The following PDE1C variants were observed in gnomAD, a reference collection of about 807,000 sequenced individuals.
PDE1C encodes the protein dual specificity calcium/calmodulin-dependent 3',5'-cyclic nucleotide phosphodiesterase 1C.
Under a neutral mutation model 93.1 loss-of-function variants are expected in PDE1C, and 62 were observed. The observed-to-expected ratio is 0.67, with a 90% CI of 0.54 to 0.82. The LOEUF is 0.82. PDE1C is among the 40% of genes least tolerant of loss of function. The pLI is 0.00. For synonymous variants in PDE1C, 325 were observed against 310.1 expected, an observed-to-expected ratio of 1.05 and a Z score of -0.50; for missense variants, 742 against 884.6, an observed-to-expected ratio of 0.84 and a Z score of 2.04.
At chr7:32,005,478 C>T (rs942031286) in intron 2 of PDE1C, among the ~76,000 whole-genome samples, 1 of 147,770 alleles carries the variant, frequency 6.8e-6, no homozygotes, top group Non-Finnish European at 1.5e-5. Flanking sequence ...ATGGTGTGAA[C>T]CCAGGAGGCG....
At chr7:32,070,453 GTCTCCTCGCCCAGCTC>G, upstream of PDE1C, 1 of 1,594,914 alleles carries the variant, frequency 6.3e-7, no homozygotes, top group Non-Finnish European at 8.5e-7. Context: ...TCCCCTCCCC[GTCTCCTCGCCCAGCTC>G]GCGATGCCCA....
chr7:31,738,803 G>A, the PDE1C span, among the ~76,000 whole-genome samples: 1 of 152,154 alleles, frequency 6.6e-6, no homozygotes, highest in East Asian at 1.9e-4. Flanking sequence ...CTGAAGCGGG[G>A]CACAGAGCAC....
chr7:32,293,277 C>A (rs905098585), intron 1 of PDE1C, among the ~76,000 whole-genome samples: 2 of 152,166 alleles, frequency 1.3e-5, no homozygotes, highest in East Asian at 3.9e-4. Flanking sequence ...CATGATAAAT[C>A]TGCGTGTGAC....
chr7:32,272,396 GA>G (rs1005650482), intron 1 of PDE1C, among the ~76,000 whole-genome samples: 5 of 152,062 alleles, frequency 3.3e-5, no homozygotes, highest in Non-Finnish European at 5.9e-5. Context: ...GGGAATTTCA[GA>G]AAAAAAGTGA....
At chr7:31,935,071 C>T (rs1411462151) in intron 2 of PDE1C, among the ~76,000 whole-genome samples, 3 of 152,018 alleles carry the variant, frequency 2.0e-5, no homozygotes, top group Non-Finnish European at 4.4e-5. Flanking sequence ...TTATAACCTT[C>T]CATTATGACA....
chr7:32,250,833 C>T (rs1488334549), intron 1 of PDE1C, among the ~76,000 whole-genome samples: 5 of 152,194 alleles, frequency 3.3e-5, no homozygotes, highest in Admixed American at 2.6e-4. Flanking sequence ...AAGGAAATAC[C>T]TCAAAGCCTG....
intron 2 of PDE1C, among the ~76,000 whole-genome samples, chr7:32,047,140 G>A (rs1792714624): frequency 6.6e-6 from 1 of 151,352 alleles, no homozygotes; most frequent in Non-Finnish European, 1.5e-5. Context: ...AGCTCTGATA[G>A]CAATTCCTTT....
the PDE1C span, among the ~76,000 whole-genome samples, chr7:31,634,650 T>C: frequency 6.6e-6 from 1 of 152,060 alleles, no homozygotes; most frequent in African/African-American, 2.4e-5. Flanking sequence ...CCTTAAGCTA[T>C]GGGATAGGCA....
intron 2 of PDE1C, among the ~76,000 whole-genome samples, chr7:31,960,409 C>T (rs190958078): frequency 1.1e-4 from 17 of 152,086 alleles, no homozygotes; most frequent in African/African-American, 4.1e-4. Flanking sequence ...GGATATTCTA[C>T]AAAATAACTA....
At chr7:32,065,324 T>C (rs1795271810) in intron 1 of PDE1C, among the ~76,000 whole-genome samples, 1 of 152,214 alleles carries the variant, frequency 6.6e-6, no homozygotes, top group Non-Finnish European at 1.5e-5. Context: ...CTCTCATCTT[T>C]GTAAAAGGTT....
chr7:31,871,066 T>A (rs1795889310), intron 6 of PDE1C, among the ~76,000 whole-genome samples: 1 of 151,710 alleles, frequency 6.6e-6, no homozygotes, highest in Admixed American at 6.6e-5. Flanking sequence ...AAGAAACCCA[T>A]AAATAAATCC....
intron 1 of PDE1C, among the ~76,000 whole-genome samples, chr7:32,212,598 C>T (rs935479357): frequency 4.6e-5 from 7 of 152,274 alleles, no homozygotes; most frequent in South Asian, 2.1e-4. Context: ...CGGTCACATG[C>T]GCTAGATGGA....
chr7:31,690,007 A>C, the PDE1C span, among the ~76,000 whole-genome samples: 3 of 152,166 alleles, frequency 2.0e-5, no homozygotes, highest in Non-Finnish European at 4.4e-5. Context: ...AGCATGTGTC[A>C]GTTTTGTGAC....
chr7:32,382,979 A>C (rs1784561408), intron 1 of PDE1C, among the ~76,000 whole-genome samples: 2 of 152,210 alleles, frequency 1.3e-5, no homozygotes, highest in African/African-American at 4.8e-5. Context: ...TGAGCGTTAC[A>C]TTCAAATACA....
intron 6 of PDE1C, 90 bp downstream of exon 6, chr7:31,873,202 G>A (rs527386026): frequency 9.1e-5 from 69 of 756,552 alleles, no homozygotes; most frequent in African/African-American, 7.4e-4. Flanking sequence ...TTTTCATTCC[G>A]CATATTAAAA....
At chr7:31,652,956 A>G in the PDE1C span, 26 of 1,472,640 alleles carry the variant, frequency 1.8e-5, no homozygotes, top group African/African-American at 3.2e-4. Context: ...CTCATATTCT[A>G]CCCTTTGGTT....
the PDE1C span, among the ~76,000 whole-genome samples, chr7:31,728,202 G>A: frequency 7.9e-5 from 12 of 152,282 alleles, no homozygotes; most frequent in Admixed American, 2.0e-4. Context: ...AGGCCACTGC[G>A]GACAAGGATC....
chr7:32,414,415 C>G (rs184970654), intron 1 of PDE1C, among the ~76,000 whole-genome samples: 26 of 152,100 alleles, frequency 1.7e-4, no homozygotes, highest in Admixed American at 4.6e-4. Context: ...TATACATATA[C>G]AGTATGTGTA....
chr7:32,063,564 C>G (rs1233797214), intron 1 of PDE1C, among the ~76,000 whole-genome samples: 1 of 152,170 alleles, frequency 6.6e-6, no homozygotes, highest in African/African-American at 2.4e-5. Context: ...ACTAGCATAA[C>G]CAAATTACAA....
Sources: allele counts gnomAD v4.1 joint callset (sites outside exome capture counted in the v4.1 genomes callset), GRCh38; gene constraint gnomAD v4.1.1; transcripts MANE v1.5; gene names NCBI Gene and HGNC (gene_info 2026-07-23, HGNC 2026-07-21).